The following COL23A1 variants were observed in gnomAD, a reference collection of about 807,000 sequenced individuals.
COL23A1 encodes collagen alpha-1(XXIII) chain.
A neutral mutation model predicts 99.3 loss-of-function variants in COL23A1; 97 were observed. The observed-to-expected ratio is 0.98, with a 90% CI of 0.83 to 1.16. The LOEUF (loss-of-function observed/expected upper bound fraction) is 1.16, where lower values mean the gene tolerates loss of function less well. COL23A1 is among the 50% of genes most tolerant of loss of function. The probability of loss-of-function intolerance (pLI) is 0.00; values close to 1 mark genes in which losing one functional copy is unlikely to be tolerated. For missense variants in COL23A1, 762 were observed against 757.4 expected (o/e 1.01, Z -0.07); for synonymous variants, 320 against 308.2 (o/e 1.04, Z -0.40).
chr5:178,286,783 TC>T (rs2127582069), intron 5 of COL23A1, among the ~76,000 whole-genome samples: 1 of 151,890 alleles, frequency 6.6e-6, no homozygotes, highest in Admixed American at 6.5e-5. Flanking sequence ...CCCCTGCCCC[TC>T]CCCCGGGGCA....
chr5:178,542,695 G>C (rs1302991639), intron 2 of COL23A1, among the ~76,000 whole-genome samples: 2 of 151,908 alleles, frequency 1.3e-5, no homozygotes, highest in African/African-American at 4.8e-5. Context: ...AAGGTGGAGA[G>C]GAAGGGGGAG....
At chr5:178,538,197 C>T (rs1248080887) in intron 2 of COL23A1, among the ~76,000 whole-genome samples, 19 of 152,226 alleles carry the variant, frequency 1.2e-4, no homozygotes, top group Admixed American at 5.2e-4. Flanking sequence ...CCAGAGGGCT[C>T]GTTTACCGCT....
At chr5:178,297,872 T>A (rs1581104142) in intron 3 of COL23A1, among the ~76,000 whole-genome samples, 1 of 152,194 alleles carries the variant, frequency 6.6e-6, no homozygotes, top group East Asian at 1.9e-4. Context: ...TGACTTCTTG[T>A]ACTAGGTTTG....
Position 178,340,675 on chromosome 5 carries a change from A to AT in COL23A1, c.362-33757dup, listed in dbSNP as rs1385494830. The stretch of plus-strand genomic sequence containing the variant: ...TCAAGGCTCTGCATGTGTTTGGCTG[A>AT]TGGCAAACTGGACACCGGGGATTCT... On this transcript the variant is annotated intron_variant, in intron 2 of 28. Transcript: ENST00000390654. The surrounding 1 kb of genome is among the most constrained non-coding windows in gnomAD (Gnocchi z 4.7). 6.6e-6 allele frequency among the ~76,000 whole-genome samples: 1 copy of AT among 152,200 alleles called. No homozygotes were observed. The highest frequency in any genetic ancestry group is 2.4e-5 in the African/African-American group (1 of 41,464).
At position 178,293,484 on chromosome 5, in the gene COL23A1, C is replaced by T. The variant is rs192015485; in HGVS notation, c.407-3115G>A. Among the ~76,000 whole-genome samples, 443 of 152,166 alleles carry T rather than the reference C, an allele frequency of 2.9e-3. 2 individuals carry two copies. Among genetic ancestry groups the T allele is most frequent in the African/African-American group, 0.01 (425 of 41,502 alleles). ...AGGTGATGATGCTGCAGGAGGTGTT[C>T]GGGGACTGAGCGGGAGAGGCTGAGT... On this transcript the variant is annotated intron_variant, in intron 3 of 28. Transcript: ENST00000390654.
intron 2 of COL23A1, among the ~76,000 whole-genome samples, chr5:178,558,304 T>A (rs936908173): frequency 6.6e-6 from 1 of 151,990 alleles, no homozygotes; most frequent in Admixed American, 6.5e-5. Flanking sequence ...ATGTTATCAT[T>A]TACTGATAAA....
intron 2 of COL23A1, among the ~76,000 whole-genome samples, chr5:178,503,769 T>C (rs535089456): frequency 2.0e-5 from 3 of 152,164 alleles, no homozygotes; most frequent in African/African-American, 7.2e-5. Flanking sequence ...TTTGCAACTT[T>C]TCTGCAAATT....
chr5:178,420,244 A>T (rs1292446689), intron 2 of COL23A1, among the ~76,000 whole-genome samples: 1 of 151,984 alleles, frequency 6.6e-6, no homozygotes, highest in African/African-American at 2.4e-5. Context: ...GAATAGATGC[A>T]CTTCCGTGGG....
rs1379164537 is a variant in COL23A1, at chr5:178,544,931, T to A, written c.361+15751A>T. Among the ~76,000 whole-genome samples the A allele has an allele frequency of 6.6e-6, 1 of 151,252 alleles. No homozygotes were observed. The highest frequency in any genetic ancestry group is 1.5e-5 in the Non-Finnish European group (1 of 67,800). ...AACAACAACAACAAAAAAAGAAAAA[T>A]TAACAAAATTTAGCCAGGTGTGGTG... is the stretch of plus-strand genomic sequence containing the variant. On this transcript the variant is annotated intron_variant, in intron 2 of 28. Transcript: ENST00000390654. The surrounding 1 kb of genome is among the most constrained non-coding windows in gnomAD (Gnocchi z 4.4).
chr5:178,291,388 A>C (rs890807), intron 3 of COL23A1, among the ~76,000 whole-genome samples: 1 of 152,064 alleles, frequency 6.6e-6, no homozygotes, highest in Non-Finnish European at 1.5e-5. Flanking sequence ...ACATTACACA[A>C]GGAGAAGGCC....
At chr5:178,455,505 A>G (rs1249804187) in intron 2 of COL23A1, among the ~76,000 whole-genome samples, 1 of 152,176 alleles carries the variant, frequency 6.6e-6, no homozygotes, top group African/African-American at 2.4e-5. Context: ...ACCTGCATGA[A>G]TAAGGCAGCT....
intron 2 of COL23A1, among the ~76,000 whole-genome samples, chr5:178,534,448 C>T (rs1403223248): frequency 1.3e-5 from 2 of 152,162 alleles, no homozygotes; most frequent in African/African-American, 2.4e-5. Context: ...AGGGAGGGGG[C>T]ACTGGGCTCA....
intron 2 of COL23A1, among the ~76,000 whole-genome samples, chr5:178,513,861 T>C (rs1759354730): frequency 1.6e-5 from 1 of 61,640 alleles, no homozygotes; most frequent in East Asian, 8.4e-4. Flanking sequence ...CTTCTGCTTT[T>C]TTAAAAAATT....
At chr5:178,549,311 G>GAA (rs199711187) in intron 2 of COL23A1, among the ~76,000 whole-genome samples, 3 of 144,566 alleles carry the variant, frequency 2.1e-5, no homozygotes, top group African/African-American at 7.6e-5. Context: ...AATACTTCTT[G>GAA]AAAAAAAAAA....
intron 2 of COL23A1, among the ~76,000 whole-genome samples, chr5:178,341,707 C>G (rs1760674215): frequency 6.6e-6 from 1 of 152,122 alleles, no homozygotes; most frequent in Non-Finnish European, 1.5e-5. Flanking sequence ...ACCTGGGCCT[C>G]TTGTCCCTGA....
intron 1 of COL23A1, among the ~76,000 whole-genome samples, chr5:178,585,338 T>G (rs1763878383): frequency 6.6e-6 from 1 of 150,624 alleles, no homozygotes; most frequent in Non-Finnish European, 1.5e-5. Context: ...TGGCCCCGGC[T>G]GACGCTCAGG....
chr5:178,316,177 G>C (rs1490944226), intron 2 of COL23A1, among the ~76,000 whole-genome samples: 1 of 152,068 alleles, frequency 6.6e-6, no homozygotes, highest in Non-Finnish European at 1.5e-5. Context: ...ATACACGTTC[G>C]TAATTCGATG....
At chr5:178,455,652 C>T (rs916004838) in intron 2 of COL23A1, among the ~76,000 whole-genome samples, 1 of 152,178 alleles carries the variant, frequency 6.6e-6, no homozygotes. Context: ...TCTCCGCCAT[C>T]GCTTCTGTGT....
In COL23A1 at chr5:178,503,580, G is replaced by A. The variant is rs1415148885; in HGVS notation, c.361+57102C>T. Reference sequence around the variant, plus strand: ...TTAGGGGTGAGGGGCTGCACATAAGGTGACCACATCAAATGGTTCTGATAC... The same window carrying A: ...TTAGGGGTGAGGGGCTGCACATAAGATGACCACATCAAATGGTTCTGATAC... On this transcript the variant is annotated intron_variant, in intron 2 of 28. Coordinates refer to ENST00000390654, the MANE Select transcript of COL23A1 (RefSeq NM_173465.4). Among the ~76,000 whole-genome samples the A allele has an allele frequency of 2.0e-5, 3 of 152,144 alleles. No homozygotes were observed. The East Asian group carries it at 5.8e-4, about 29-fold the overall frequency.
Sources: allele counts gnomAD v4.1 joint callset (sites outside exome capture counted in the v4.1 genomes callset), GRCh38; gene constraint gnomAD v4.1.1; non-coding constraint Gnocchi (gnomAD v3.1); transcripts MANE v1.5; gene names NCBI Gene and HGNC (gene_info 2026-07-23, HGNC 2026-07-21).